Variants in STRBP observed in about 807,000 individuals in gnomAD.
STRBP encodes spermatid perinuclear RNA-binding protein.
STRBP carries 13 observed loss-of-function variants against 80.1 expected under a neutral mutation model. The ratio of observed to expected loss-of-function variants is 0.16; its 90% CI spans 0.11 to 0.26. The LOEUF is 0.26. Ranked by LOEUF, STRBP falls within the 10% of genes least tolerant of loss-of-function variation. The probability of loss-of-function intolerance (pLI) is 1.00; values close to 1 mark genes in which losing one functional copy is unlikely to be tolerated. For missense variants in STRBP, 485 were observed against 815.2 expected, an observed-to-expected ratio of 0.59 and a Z score of 4.93; for synonymous variants, 284 against 291.2, an observed-to-expected ratio of 0.98 and a Z score of 0.25.
chr9:123,243,724 A>G (rs1178757749), intron 1 of STRBP, among the ~76,000 whole-genome samples: 1 of 152,248 alleles, frequency 6.6e-6, no homozygotes, highest in Admixed American at 6.5e-5. Context: ...ATGAAAACAT[A>G]TTCAAAATCA....
chr9:123,187,488 T>G (rs1183154989), intron 2 of STRBP, among the ~76,000 whole-genome samples: 1 of 152,166 alleles, frequency 6.6e-6, no homozygotes, highest in Non-Finnish European at 1.5e-5. Flanking sequence ...AAAACACACC[T>G]CAAATTTCCT....
rs1588166528 is a variant in STRBP at position 123,261,980 on chromosome 9, C to T, written c.-302+6456G>A. Reference sequence around the variant, plus strand: ...GAACTATAAACATCTTAAAAATGAACTGCCTCCATCTTAACTTTTACAAAC... The same window carrying T: ...GAACTATAAACATCTTAAAAATGAATTGCCTCCATCTTAACTTTTACAAAC... On this transcript the variant is annotated intron_variant, in intron 1 of 18. Coordinates refer to ENST00000348403, the MANE Select transcript of STRBP (RefSeq NM_018387.5). Among the ~76,000 whole-genome samples the T allele has an allele frequency of 2.0e-5, 3 of 152,296 alleles. No homozygotes were observed. The Middle Eastern group carries it at 0.01, about 518-fold the overall frequency.
In STRBP at chr9:123,121,872, C is replaced by A. The variant is rs1343680739; in HGVS notation, c.*3725G>T. On this transcript the variant is annotated 3_prime_UTR_variant, in exon 19 of 19. Transcript: ENST00000348403. ...TGTCATTAAAATCTTCTTAGATGAA[C>A]TGTTCCTATCACTGAATTCTTACAT... The A allele has an allele frequency of 6.5e-6, 1 of 153,164 alleles. No individual in the cohort carries two copies. The highest frequency in any genetic ancestry group is 2.4e-5 in the African/African-American group (1 of 41,362). 9.5% of individuals were successfully genotyped at this position (153,164 alleles called of 1,614,324 possible).
At chr9:123,192,679 A>C (rs115196677) in intron 2 of STRBP, among the ~76,000 whole-genome samples, 401 of 152,280 alleles carry the variant, frequency 2.6e-3, no homozygotes, top group African/African-American at 8.5e-3. Flanking sequence ...CTAATAATTC[A>C]AGGATACTTA....
At chr9:123,187,910 T>C (rs2038765925) in intron 2 of STRBP, among the ~76,000 whole-genome samples, 1 of 151,994 alleles carries the variant, frequency 6.6e-6, no homozygotes, top group African/African-American at 2.4e-5. Flanking sequence ...ACTCTTTGCA[T>C]TGTACATTCT....
intron 2 of STRBP, among the ~76,000 whole-genome samples, chr9:123,205,597 T>C (rs1487554402): frequency 6.6e-6 from 1 of 152,216 alleles, no homozygotes; most frequent in Non-Finnish European, 1.5e-5. Context: ...GCAAAATAAA[T>C]AGGTTTTAAC....
intron 1 of STRBP, among the ~76,000 whole-genome samples, chr9:123,248,260 T>G (rs985787623): frequency 7.1e-6 from 1 of 140,714 alleles, no homozygotes. Flanking sequence ...ACCCCTATCG[T>G]GTTTTTTTTT....
At chr9:123,244,098 A>G (rs1046704179) in intron 1 of STRBP, among the ~76,000 whole-genome samples, 1 of 152,220 alleles carries the variant, frequency 6.6e-6, no homozygotes, top group East Asian at 1.9e-4. Context: ...CCACTATAGG[A>G]TATTATTCAG....
downstream of STRBP, among the ~76,000 whole-genome samples, chr9:123,120,270 C>T (rs907507709): frequency 9.9e-5 from 15 of 151,538 alleles, no homozygotes; most frequent in East Asian, 3.9e-4. Flanking sequence ...CACAGCATGG[C>T]GTCAGACTGT....
At chr9:123,258,574 C>T (rs570308999) in intron 1 of STRBP, among the ~76,000 whole-genome samples, 12 of 152,250 alleles carry the variant, frequency 7.9e-5, no homozygotes, top group East Asian at 1.9e-4. Context: ...GAGGCCAAGG[C>T]GGGCGGATCA....
At chr9:123,238,313 T>C (rs2040614221) in intron 1 of STRBP, among the ~76,000 whole-genome samples, 1 of 152,344 alleles carries the variant, frequency 6.6e-6, no homozygotes, top group South Asian at 2.1e-4. Context: ...TACATGATAC[T>C]GCACAATTTC....
intron 1 of STRBP, among the ~76,000 whole-genome samples, chr9:123,241,189 A>AC (rs2040687016): frequency 6.6e-6 from 1 of 151,854 alleles, no homozygotes; most frequent in Admixed American, 6.6e-5. Context: ...CAAAAAAAAA[A>AC]AAAAAACAAA....
intron 11 of STRBP, among the ~76,000 whole-genome samples, chr9:123,151,033 T>A (rs1192224955): frequency 6.6e-6 from 1 of 152,186 alleles, no homozygotes; most frequent in East Asian, 1.9e-4. Flanking sequence ...AATTTCTTAT[T>A]TTAAAAATCC....
At chr9:123,240,902 G>C (rs546272905) in intron 1 of STRBP, among the ~76,000 whole-genome samples, 1 of 152,144 alleles carries the variant, frequency 6.6e-6, no homozygotes, top group East Asian at 1.9e-4. Flanking sequence ...GTGATTGGCC[G>C]GGCATGGTGG....
At chr9:123,128,373 T>C (rs1229304845) in intron 17 of STRBP, 115 bp from the exon 18 acceptor site, 32 of 1,163,750 alleles carry the variant, frequency 2.7e-5, no homozygotes, top group Non-Finnish European at 3.6e-5. Flanking sequence ...CTTCCAGATG[T>C]TGGATGAATG....
rs749333724 is a variant in STRBP, at chr9:123,121,645, T to A, written c.*3952A>T. On this transcript the variant is annotated 3_prime_UTR_variant, in exon 19 of 19. Coordinates refer to ENST00000348403, the MANE Select transcript of STRBP (RefSeq NM_018387.5). ...TTTTTTTTTTTCATTTTCTATTGCT[T>A]TTTTCTATGGCTTCTTGCTGTTGTT... 2 of 152,126 alleles carry A rather than the reference T, an allele frequency of 1.3e-5. No homozygotes were observed. Among genetic ancestry groups the A allele is most frequent in the African/African-American group, 2.4e-5 (1 of 41,412 alleles). 9.4% of individuals were successfully genotyped at this position (152,126 alleles called of 1,614,324 possible).
chr9:123,197,667 CTTTTTTTTTT>C lies in STRBP; in HGVS notation c.-164-13379_-164-13370del, dbSNP rs71388358. 1.8e-3 allele frequency among the ~76,000 whole-genome samples: 153 copies of C among 87,382 alleles called. 1 individual carries two copies. The highest frequency in any genetic ancestry group is 0.015 in the Middle Eastern group (1 of 66). The allele number at this position is 87,382 out of a possible 152,430, so 57.3% of individuals were successfully genotyped here. Reference sequence around the variant, plus strand: ...ATACAAGTTGCTGTGAAACATATTTCTTTTTTTTTTTTTTTTTTTTTTTTTGACACGGAGT... The same window carrying C: ...ATACAAGTTGCTGTGAAACATATTTCTTTTTTTTTTTTTTTGACACGGAGT... On this transcript the variant is annotated intron_variant, in intron 2 of 18. Coordinates refer to ENST00000348403, the MANE Select transcript of STRBP (RefSeq NM_018387.5).
At position 123,122,284 on chromosome 9, in the gene STRBP, T is replaced by C. The variant is rs1319505213; in HGVS notation, c.*3313A>G. ...TACGAAGGTCCGAGGAGAACGAGAA[T>C]AAAGTGAGATAAACGTGCTGAAAAC... On this transcript the variant is annotated 3_prime_UTR_variant, in exon 19 of 19. Coordinates refer to ENST00000348403, the MANE Select transcript of STRBP (RefSeq NM_018387.5). 1 of 1,272,142 alleles carries C rather than the reference T, an allele frequency of 7.9e-7. No individual in the cohort carries two copies. 78.8% of individuals were successfully genotyped at this position (1,272,142 alleles called of 1,614,324 possible). A position where few individuals can be genotyped will look rare whatever the true frequency, so the allele number is the denominator to read the frequency against.
intron 12 of STRBP, 120 bp downstream of exon 12, chr9:123,147,658 A>T: frequency 1.2e-6 from 1 of 820,294 alleles, no homozygotes; most frequent in Non-Finnish European, 1.8e-6. Flanking sequence ...AGTCTCAGTG[A>T]CAGAATGAGA....
Sources: gnomAD v4.1 joint callset for allele counts (sites outside exome capture counted in the v4.1 genomes callset) on GRCh38, gnomAD v4.1.1 for gene constraint, MANE v1.5 for transcripts, NCBI Gene and HGNC (gene_info 2026-07-23, HGNC 2026-07-21) for gene names.